CDH13: variants seen among roughly 807,000 people sequenced by gnomAD.
CDH13 encodes the protein cadherin 13, also known as cadherin-13.
A neutral mutation model predicts 63.8 loss-of-function variants in CDH13; 24 were observed. The observed-to-expected ratio is 0.38, with a 90% confidence interval of 0.27 to 0.53. The LOEUF is 0.53. Ranked by LOEUF, CDH13 falls within the 20% of genes least tolerant of loss-of-function variation. The pLI is 0.85. For synonymous variants in CDH13, 503 were observed against 355.3 expected, an observed-to-expected ratio of 1.42 and a Z score of -4.67; for missense variants, 1,049 against 903.1, an observed-to-expected ratio of 1.16 and a Z score of -2.07.
At chr16:83,222,300 A>T (rs1195194945) in intron 5 of CDH13, among the ~76,000 whole-genome samples, 1 of 152,214 alleles carries the variant, frequency 6.6e-6, no homozygotes, top group African/African-American at 2.4e-5. Context: ...TACAACTGGC[A>T]TTCAGAGGTA....
intron 5 of CDH13, among the ~76,000 whole-genome samples, chr16:83,310,199 C>T (rs755379561): frequency 6.6e-6 from 1 of 152,142 alleles, no homozygotes; most frequent in Non-Finnish European, 1.5e-5. Context: ...TTGTGAAAGT[C>T]ATTTTGAAAG....
intron 1 of CDH13, among the ~76,000 whole-genome samples, chr16:82,646,587 C>A (rs1389214268): frequency 6.6e-6 from 1 of 152,108 alleles, no homozygotes; most frequent in Non-Finnish European, 1.5e-5. Context: ...CACAGGAGGC[C>A]AAGGTTGTAA....
intron 6 of CDH13, among the ~76,000 whole-genome samples, chr16:83,386,362 A>C (rs979817451): frequency 6.6e-6 from 1 of 152,192 alleles, no homozygotes; most frequent in African/African-American, 2.4e-5. Flanking sequence ...GGGCAGCGCT[A>C]TTATTAGAGA....
intron 6 of CDH13, among the ~76,000 whole-genome samples, chr16:83,483,998 A>C (rs2073831440): frequency 6.6e-6 from 1 of 152,124 alleles, no homozygotes; most frequent in Admixed American, 6.5e-5. Flanking sequence ...TTGCCCTGAG[A>C]CCATCTCACA....
At chr16:83,207,842 C>A (rs1597516687) in intron 4 of CDH13, among the ~76,000 whole-genome samples, 1 of 150,824 alleles carries the variant, frequency 6.6e-6, no homozygotes, top group Admixed American at 6.6e-5. Context: ...TGCAAAAAAC[C>A]CAACAATGAA....
intron 7 of CDH13, among the ~76,000 whole-genome samples, chr16:83,591,871 C>G (rs8060601): frequency 6.6e-6 from 1 of 152,048 alleles, no homozygotes; most frequent in Non-Finnish European, 1.5e-5. Context: ...TCAGCCTTCC[C>G]TTCTTATTCA....
intron 2 of CDH13, among the ~76,000 whole-genome samples, chr16:82,895,318 TC>T (rs1480173616): frequency 3.3e-5 from 5 of 152,280 alleles, no homozygotes; most frequent in African/African-American, 1.2e-4. Flanking sequence ...ATTGTGTCCT[TC>T]CCTGGCTTGT....
At chr16:82,837,556 C>T (rs934141743) in intron 1 of CDH13, among the ~76,000 whole-genome samples, 1 of 152,180 alleles carries the variant, frequency 6.6e-6, no homozygotes, top group Non-Finnish European at 1.5e-5. Flanking sequence ...AGGGCAAAGG[C>T]CTGTGAGCGA....
chr16:83,776,279 G>A (rs1915108343), intron 11 of CDH13, among the ~76,000 whole-genome samples: 1 of 152,036 alleles, frequency 6.6e-6, no homozygotes, highest in Non-Finnish European at 1.5e-5. Context: ...TATTCAGAGT[G>A]AAAAAACATA....
At chr16:83,441,637 T>C (rs1455419069) in intron 6 of CDH13, among the ~76,000 whole-genome samples, 1 of 152,184 alleles carries the variant, frequency 6.6e-6, no homozygotes, top group African/African-American at 2.4e-5. Flanking sequence ...AGCTCCTGCT[T>C]TTCCTGATAC....
At chr16:83,720,794 C>G (rs1348169855) in intron 10 of CDH13, among the ~76,000 whole-genome samples, 2 of 152,198 alleles carry the variant, frequency 1.3e-5, no homozygotes, top group Non-Finnish European at 2.9e-5. Context: ...GCCAGTCCAT[C>G]CTGGAAGGTA....
At chr16:83,220,645 A>C (rs1384522426) in intron 5 of CDH13, among the ~76,000 whole-genome samples, 1 of 140,910 alleles carries the variant, frequency 7.1e-6, no homozygotes, top group Non-Finnish European at 1.5e-5. Flanking sequence ...AAAATAGAAA[A>C]ACAGAGCAAG....
At chr16:83,677,753 G>C (rs548967919) in intron 9 of CDH13, among the ~76,000 whole-genome samples, 104 of 152,256 alleles carry the variant, frequency 6.8e-4, no homozygotes, top group Non-Finnish European at 1.1e-3. Context: ...AGGATTGGGC[G>C]TTGGAGTCTC....
chr16:83,395,821 T>C (rs1341058643), intron 6 of CDH13, among the ~76,000 whole-genome samples: 1 of 152,146 alleles, frequency 6.6e-6, no homozygotes, highest in Non-Finnish European at 1.5e-5. Context: ...AGTTGAGGAG[T>C]ACATGCACAG....
chr16:83,496,592 T>C (rs1475288549), intron 7 of CDH13, among the ~76,000 whole-genome samples: 4 of 152,174 alleles, frequency 2.6e-5, no homozygotes, highest in Admixed American at 6.5e-5. Flanking sequence ...ATTCAGGACA[T>C]AGGCATGGGC....
In CDH13 at chr16:83,525,956, C is replaced by A. The variant is rs112933628; in HGVS notation, c.960+39301C>A. 7.7e-3 allele frequency among the ~76,000 whole-genome samples: 1,180 copies of A among 152,300 alleles called. 16 individuals are homozygous for A. The highest frequency in any genetic ancestry group is 0.027 in the African/African-American group (1,130 of 41,560). On this transcript the variant is annotated intron_variant, in intron 7 of 13. Coordinates refer to ENST00000567109, the MANE Select transcript of CDH13 (RefSeq NM_001257.5). ...AAAAAGTGAAGAAATGGAGTTTCCCCTGGAGCCTCTGGAAAGGAGTGCAGC... is the reference window on the plus strand; with the variant it reads ...AAAAAGTGAAGAAATGGAGTTTCCCATGGAGCCTCTGGAAAGGAGTGCAGC...
intron 6 of CDH13, among the ~76,000 whole-genome samples, chr16:83,366,974 A>G (rs2091269494): frequency 6.6e-6 from 1 of 152,138 alleles, no homozygotes; most frequent in Non-Finnish European, 1.5e-5. Flanking sequence ...ATTGCAGTAT[A>G]ATTCATAGAC....
chr16:82,848,438 C>T (rs2039353097), intron 1 of CDH13, among the ~76,000 whole-genome samples: 1 of 152,132 alleles, frequency 6.6e-6, no homozygotes, highest in African/African-American at 2.4e-5. Flanking sequence ...GCTGTTTTTC[C>T]AACAGTATGT....
In CDH13 at chr16:83,466,761, G is replaced by T. The variant is rs528770769; in HGVS notation, c.782-19716G>T. Among the ~76,000 whole-genome samples, 4 of 152,274 alleles carry T rather than the reference G, an allele frequency of 2.6e-5. No individual in the cohort carries two copies. In the East Asian group the frequency reaches 7.7e-4, roughly 29 times the overall value. On this transcript the variant is annotated intron_variant, in intron 6 of 13. Transcript: ENST00000567109. ...TCTGCCATCCTGGGTCATCCCAAGG[G>T]TATGCTTAAGTCACTGTTATCAGAT...
Sources: gnomAD v4.1 joint callset for allele counts (sites outside exome capture counted in the v4.1 genomes callset) on GRCh38, gnomAD v4.1.1 for gene constraint, MANE v1.5 for transcripts, NCBI Gene and HGNC (gene_info 2026-07-23, HGNC 2026-07-21) for gene names.